Variants in TRAPPC12 observed in about 807,000 individuals in gnomAD.
TRAPPC12 encodes trafficking protein particle complex subunit 12.
In TRAPPC12, 61 loss-of-function variants were observed where a neutral mutation model predicts 69.2. The ratio of observed to expected loss-of-function variants is 0.88; its 90% CI spans 0.72 to 1.09. TRAPPC12 has a LOEUF of 1.09. TRAPPC12 is among the 50% of genes least tolerant of loss of function. The pLI, the probability that TRAPPC12 is intolerant of heterozygous loss-of-function variation, is 0.00. For missense variants in TRAPPC12, 1,101 were observed against 1,016.4 expected (o/e 1.08, Z -1.13); for synonymous variants, 469 against 438.9 (o/e 1.07, Z -0.86).
At chr2:3,421,572 G>A in intron 3 of TRAPPC12, 1 of 584,046 alleles carries the variant, frequency 1.7e-6, no homozygotes. Context: ...TGAGAGATGT[G>A]CGGAGCTTTC....
intron 6 of TRAPPC12, chr2:3,449,381 C>G (rs1002488607): frequency 2.6e-5 from 4 of 152,666 alleles, no homozygotes; most frequent in Admixed American, 2.6e-4. Context: ...CCCTGCAGTT[C>G]CGCAGCCTCC....
At chr2:3,460,842 G>A (rs114109201) in intron 8 of TRAPPC12, 9 of 154,324 alleles carry the variant, frequency 5.8e-5, no homozygotes, top group East Asian at 3.9e-4. Context: ...CTGTTTTTCC[G>A]TGTCTCCTGG....
At chr2:3,436,193 C>G (rs1356269810) in intron 5 of TRAPPC12, among the ~76,000 whole-genome samples, 1 of 152,182 alleles carries the variant, frequency 6.6e-6, no homozygotes, top group African/African-American at 2.4e-5. Context: ...ATTACTCTTT[C>G]AGCTACAGCT....
chr2:3,457,880 G>A (rs1391206924), intron 7 of TRAPPC12, 187 bp downstream of exon 7: 4 of 1,434,018 alleles, frequency 2.8e-6, no homozygotes, highest in Non-Finnish European at 3.6e-6. Context: ...TGCTGTGGGT[G>A]CAACGTGCAG....
At chr2:3,380,214 A>T (rs11891387) in intron 1 of TRAPPC12, among the ~76,000 whole-genome samples, 11,316 of 151,876 alleles carry the variant, frequency 0.075, 561 homozygotes, top group African/African-American at 0.13. Context: ...CGAGACCCCC[A>T]GTTCCAGGCT....
chr2:3,395,041 T>C (rs559807552), intron 2 of TRAPPC12, among the ~76,000 whole-genome samples: 1 of 151,964 alleles, frequency 6.6e-6, no homozygotes, highest in African/African-American at 2.4e-5. Flanking sequence ...GGGTAAAAAC[T>C]TAATAGTATA....
intron 3 of TRAPPC12, among the ~76,000 whole-genome samples, chr2:3,409,626 T>G (rs1409464330): frequency 1.3e-5 from 2 of 151,730 alleles, no homozygotes; most frequent in African/African-American, 2.4e-5. Context: ...GGCACGCACC[T>G]GTAGTCCCAG....
intron 3 of TRAPPC12, among the ~76,000 whole-genome samples, chr2:3,415,820 C>T (rs1662350217): frequency 6.6e-6 from 1 of 150,448 alleles, no homozygotes; most frequent in Admixed American, 6.6e-5. Flanking sequence ...AGGTTCACAC[C>T]ATTCTCCTGC....
At chr2:3,468,894 A>G (rs6548164) in intron 9 of TRAPPC12, among the ~76,000 whole-genome samples, 75,992 of 152,088 alleles carry the variant, frequency 0.5, 20,569 homozygotes, top group African/African-American at 0.72. Flanking sequence ...GTCAGATTGC[A>G]GTCGATGAGA....
chr2:3,441,637 TTATTA>T lies in TRAPPC12; in HGVS notation c.1418-2139_1418-2135del, dbSNP rs1260878939. ...TTATTATTATATTTTTATTATTTTC[TTATTA>T]TAATACAATAATATTTTTATTATTT... is the stretch of plus-strand genomic sequence containing the variant. On this transcript the variant is annotated intron_variant, in intron 5 of 11. Transcript: ENST00000324266. Among the ~76,000 whole-genome samples the T allele has an allele frequency of 5.0e-5, 7 of 139,722 alleles. No individual in the cohort carries two copies. The Middle Eastern group carries it at 0.011, about 214-fold the overall frequency. 91.7% of individuals were successfully genotyped at this position (139,722 alleles called of 152,430 possible). A position where few individuals can be genotyped will look rare whatever the true frequency, so the allele number is the denominator to read the frequency against.
intron 2 of TRAPPC12, among the ~76,000 whole-genome samples, chr2:3,395,844 C>T (rs2103453224): frequency 6.6e-6 from 1 of 152,270 alleles, no homozygotes; most frequent in Admixed American, 6.5e-5. Context: ...ATTCCCCTGC[C>T]TCAGCCTCCT....
intron 6 of TRAPPC12, chr2:3,455,959 A>G (rs1391950404): frequency 6.6e-6 from 1 of 152,180 alleles, no homozygotes; most frequent in Non-Finnish European, 1.5e-5. Context: ...GCACTGATGT[A>G]CATTCCCACC....
chr2:3,435,538 A>G (rs558842182), intron 5 of TRAPPC12, among the ~76,000 whole-genome samples: 6 of 152,302 alleles, frequency 3.9e-5, no homozygotes, highest in Admixed American at 2.6e-4. Flanking sequence ...AGCAGTAGAA[A>G]TGGGAGTGCC....
intron 2 of TRAPPC12, among the ~76,000 whole-genome samples, chr2:3,399,634 G>A (rs989360715): frequency 1.3e-5 from 2 of 152,138 alleles, no homozygotes; most frequent in South Asian, 2.1e-4. Flanking sequence ...GATCTCTCCT[G>A]GTAGAAGGGA....
At chr2:3,447,878 A>G (rs944339579) in intron 6 of TRAPPC12, among the ~76,000 whole-genome samples, 3 of 151,878 alleles carry the variant, frequency 2.0e-5, no homozygotes, top group Non-Finnish European at 4.4e-5. Context: ...GACCTTCACA[A>G]CTCCAGGAAA....
chr2:3,454,441 C>T (rs1011155320), intron 6 of TRAPPC12, among the ~76,000 whole-genome samples: 8 of 150,380 alleles, frequency 5.3e-5, no homozygotes, highest in African/African-American at 1.5e-4. Flanking sequence ...CTGGTGTCTC[C>T]GTCTCCTACC....
chr2:3,385,121 T>C (rs558462799), intron 1 of TRAPPC12, among the ~76,000 whole-genome samples: 1 of 152,288 alleles, frequency 6.6e-6, no homozygotes, highest in East Asian at 1.9e-4. Context: ...TATATGTATG[T>C]CTTCCCATTC....
intron 3 of TRAPPC12, among the ~76,000 whole-genome samples, chr2:3,410,473 T>C (rs1661996234): frequency 6.6e-6 from 1 of 152,212 alleles, no homozygotes; most frequent in African/African-American, 2.4e-5. Flanking sequence ...CTGAAGGCTT[T>C]TTATATGATA....
intron 1 of TRAPPC12, among the ~76,000 whole-genome samples, chr2:3,385,502 G>A (rs755691534): frequency 3.9e-5 from 6 of 151,950 alleles, no homozygotes; most frequent in Non-Finnish European, 7.4e-5. Context: ...TTTTCTAGGC[G>A]ATGTTTTTTG....
Sources: allele counts gnomAD v4.1 joint callset (sites outside exome capture counted in the v4.1 genomes callset), GRCh38; gene constraint gnomAD v4.1.1; transcripts MANE v1.5; gene names NCBI Gene and HGNC (gene_info 2026-07-23, HGNC 2026-07-21).